Variants in IL1RAPL2 observed in about 807,000 individuals in gnomAD.
IL1RAPL2 encodes X-linked interleukin-1 receptor accessory protein-like 2.
A neutral mutation model predicts 44.1 loss-of-function variants in IL1RAPL2; 3 were observed. That is an observed-to-expected ratio of 0.07 (90% CI 0.03 to 0.18). The LOEUF (loss-of-function observed/expected upper bound fraction) is 0.18. Among genes scored for constraint, IL1RAPL2 ranks in the 10% least tolerant of loss-of-function variants. The pLI, the probability that IL1RAPL2 is intolerant of heterozygous loss-of-function variation, is 1.00. For missense variants in IL1RAPL2, 391 were observed against 496.4 expected (o/e 0.79, Z 2.02); for synonymous variants, 181 against 178.8 (o/e 1.01, Z -0.10).
intron 5 of IL1RAPL2, among the ~76,000 whole-genome samples, chrX:105,425,788 C>T (rs898819201): frequency 9.2e-6 from 1 of 108,678 alleles, no homozygotes; most frequent in Non-Finnish European, 1.9e-5. Context: ...TCTGATGACA[C>T]CAACAATTTT....
intron 6 of IL1RAPL2, among the ~76,000 whole-genome samples, chrX:105,536,156 A>G (rs1176066362): frequency 9.0e-6 from 1 of 110,564 alleles, no homozygotes; most frequent in Non-Finnish European, 1.9e-5. Context: ...AAATTAAACC[A>G]GTTTCCCAGA....
At chrX:105,681,680 C>G (rs1021381492) in intron 6 of IL1RAPL2, among the ~76,000 whole-genome samples, 1 of 111,502 alleles carries the variant, frequency 9.0e-6, no homozygotes, top group East Asian at 2.8e-4. Context: ...ATTGCTTGAA[C>G]CCAGGGGGCA....
At chrX:105,140,422 A>G (rs755699465) in intron 2 of IL1RAPL2, among the ~76,000 whole-genome samples, 1 of 112,747 alleles carries the variant, frequency 8.9e-6, no homozygotes, top group South Asian at 3.6e-4. Flanking sequence ...ATCAAATGCC[A>G]AAGATAGAAT....
chrX:105,575,643 C>T (rs2037044798), intron 6 of IL1RAPL2, among the ~76,000 whole-genome samples: 1 of 111,939 alleles, frequency 8.9e-6, no homozygotes. Context: ...TACACATGCA[C>T]GTGTCTTTAT....
At chrX:104,664,112 A>G (rs1930447211) in intron 2 of IL1RAPL2, among the ~76,000 whole-genome samples, 1 of 111,315 alleles carries the variant, frequency 9.0e-6, no homozygotes, top group Non-Finnish European at 1.9e-5. Flanking sequence ...CTAAAGGTAG[A>G]ACATTTCTGG....
chrX:105,630,647 AT>A (rs1480137901), intron 6 of IL1RAPL2, among the ~76,000 whole-genome samples: 1 of 110,552 alleles, frequency 9.0e-6, no homozygotes, highest in Non-Finnish European at 1.9e-5. Context: ...AGAATGGATT[AT>A]TCATCTGGGT....
intron 2 of IL1RAPL2, among the ~76,000 whole-genome samples, chrX:104,944,119 G>A (rs1229052807): frequency 1.8e-5 from 2 of 111,405 alleles, no homozygotes; most frequent in African/African-American, 3.3e-5. Context: ...CAATCACCAA[G>A]TAGCTGTTCT....
intron 2 of IL1RAPL2, among the ~76,000 whole-genome samples, chrX:105,129,039 A>C (rs765881822): frequency 6.3e-5 from 7 of 111,387 alleles, no homozygotes; most frequent in Non-Finnish European, 1.3e-4. Flanking sequence ...TATCTCTTCT[A>C]TGAAGATATT....
intron 6 of IL1RAPL2, among the ~76,000 whole-genome samples, chrX:105,630,139 A>G (rs747915172): frequency 2.7e-5 from 3 of 111,315 alleles, no homozygotes; most frequent in Non-Finnish European, 5.7e-5. Context: ...CTCAAACCCA[A>G]ACCCAAAGGG....
intron 6 of IL1RAPL2, among the ~76,000 whole-genome samples, chrX:105,545,416 T>G (rs2036785971): frequency 2.7e-5 from 3 of 112,380 alleles, no homozygotes; most frequent in Non-Finnish European, 5.6e-5. Context: ...CAACATCTGG[T>G]AGAAAGAAAG....
intron 5 of IL1RAPL2, among the ~76,000 whole-genome samples, chrX:105,317,246 A>G (rs113013169): frequency 0.05 from 5,589 of 112,027 alleles, 324 homozygotes; most frequent in African/African-American, 0.17. Flanking sequence ...GGGCTTAATC[A>G]CTAGCATTGA....
chrX:105,144,934 T>C lies in IL1RAPL2; in HGVS notation c.83-50541T>C, dbSNP rs750087791. Among the ~76,000 whole-genome samples the C allele has an allele frequency of 7.2e-5, 8 of 111,136 alleles. No homozygotes were observed. In the Middle Eastern group the frequency reaches 0.027, roughly 381 times the overall value. ...CTCTTCTTGCCCCCAAATCACCCTA[T>C]ATTCCCCGCCATTTATAACACTTAC... On this transcript the variant is annotated intron_variant, in intron 2 of 10. Coordinates refer to ENST00000372582, the MANE Select transcript of IL1RAPL2 (RefSeq NM_017416.2).
intron 6 of IL1RAPL2, among the ~76,000 whole-genome samples, chrX:105,599,174 C>T (rs2037233079): frequency 8.9e-6 from 1 of 111,828 alleles, no homozygotes; most frequent in African/African-American, 3.2e-5. Flanking sequence ...TTCCATATTT[C>T]ACTGGCAGAT....
rs985233895 is a variant in IL1RAPL2, at chrX:104,888,644, A to T, written c.82+229649A>T. Among the ~76,000 whole-genome samples, 4 of 111,115 alleles carry T rather than the reference A, an allele frequency of 3.6e-5. No homozygotes were observed. In the South Asian group the frequency reaches 1.5e-3, roughly 43 times the overall value. ...AACCTAACCCACGCTCTGTTAAACCAGTCCAATCCTTCCCTGGCAAATGAC... is the reference window on the plus strand; with the variant it reads ...AACCTAACCCACGCTCTGTTAAACCTGTCCAATCCTTCCCTGGCAAATGAC... On this transcript the variant is annotated intron_variant, in intron 2 of 10. Coordinates refer to ENST00000372582, the MANE Select transcript of IL1RAPL2 (RefSeq NM_017416.2).
At chrX:105,117,230 C>T (rs1027660460) in intron 2 of IL1RAPL2, among the ~76,000 whole-genome samples, 3 of 112,076 alleles carry the variant, frequency 2.7e-5, no homozygotes, top group Admixed American at 1.9e-4. Context: ...TTGGATTGTG[C>T]AGTTGTTTGT....
At chrX:105,324,178 G>C (rs2034917941) in intron 5 of IL1RAPL2, among the ~76,000 whole-genome samples, 1 of 109,989 alleles carries the variant, frequency 9.1e-6, no homozygotes, top group Non-Finnish European at 1.9e-5. Context: ...GCAAGGTAAT[G>C]AGTCAGAGAA....
intron 5 of IL1RAPL2, among the ~76,000 whole-genome samples, chrX:105,301,697 T>G (rs1427257748): frequency 8.9e-6 from 1 of 112,178 alleles, no homozygotes; most frequent in Non-Finnish European, 1.9e-5. Context: ...TGCAATTGAC[T>G]AGATCTCATT....
intron 2 of IL1RAPL2, among the ~76,000 whole-genome samples, chrX:104,700,146 A>G (rs1038806987): frequency 8.9e-6 from 1 of 112,210 alleles, no homozygotes; most frequent in Non-Finnish European, 1.9e-5. Flanking sequence ...ATGTACAGAT[A>G]AGCAAATTTA....
At chrX:105,626,956 T>C (rs1364170261) in intron 6 of IL1RAPL2, among the ~76,000 whole-genome samples, 2 of 111,449 alleles carry the variant, frequency 1.8e-5, no homozygotes, top group African/African-American at 6.5e-5. Context: ...GTATGTGGTG[T>C]GGCCCAGGGA....
Sources: allele counts gnomAD v4.1 joint callset (sites outside exome capture counted in the v4.1 genomes callset), GRCh38; gene constraint gnomAD v4.1.1; transcripts MANE v1.5; gene names NCBI Gene and HGNC (gene_info 2026-07-23, HGNC 2026-07-21).